Variants in SLC22A23 observed in about 807,000 individuals in gnomAD.
SLC22A23 encodes ion transporter protein.
A neutral mutation model predicts 61.0 loss-of-function variants in SLC22A23; 26 were observed. The ratio of observed to expected loss-of-function variants is 0.43; its 90% CI spans 0.31 to 0.59. The LOEUF (loss-of-function observed/expected upper bound fraction) is 0.59, where lower values mean the gene tolerates loss of function less well. Ranked by LOEUF, SLC22A23 falls within the 20% of genes least tolerant of loss-of-function variation. The pLI, the probability that SLC22A23 is intolerant of heterozygous loss-of-function variation, is 0.11. For synonymous variants in SLC22A23, 430 were observed against 413.9 expected, an observed-to-expected ratio of 1.04 and a Z score of -0.47; for missense variants, 796 against 934.7, an observed-to-expected ratio of 0.85 and a Z score of 1.94.
chr6:3,337,785 G>T (rs766341217), intron 3 of SLC22A23, among the ~76,000 whole-genome samples: 2 of 152,252 alleles, frequency 1.3e-5, no homozygotes, highest in African/African-American at 2.4e-5. Flanking sequence ...ATTCGTGAAA[G>T]GAATGTGGAA....
intron 3 of SLC22A23, among the ~76,000 whole-genome samples, chr6:3,353,077 C>T (rs577505598): frequency 6.6e-6 from 1 of 152,248 alleles, no homozygotes; most frequent in South Asian, 2.1e-4. Flanking sequence ...ACGACCAGAC[C>T]GTGTCAAGAG....
intron 3 of SLC22A23, among the ~76,000 whole-genome samples, chr6:3,369,197 T>C (rs1257445900): frequency 6.6e-6 from 1 of 152,094 alleles, no homozygotes; most frequent in African/African-American, 2.4e-5. Context: ...GTAAAAACCA[T>C]GTGAATTCTT....
chr6:3,351,531 G>A (rs1764767012), intron 3 of SLC22A23, among the ~76,000 whole-genome samples: 1 of 152,188 alleles, frequency 6.6e-6, no homozygotes, highest in African/African-American at 2.4e-5. Context: ...ACAAGTACTG[G>A]ACGGTCAGGA....
chr6:3,354,482 T>C (rs1235415574), intron 3 of SLC22A23, among the ~76,000 whole-genome samples: 1 of 152,204 alleles, frequency 6.6e-6, no homozygotes, highest in Non-Finnish European at 1.5e-5. Context: ...CACTGTACTG[T>C]GGTCAGATCC....
At chr6:3,418,884 C>T (rs1364371947) in intron 1 of SLC22A23, among the ~76,000 whole-genome samples, 6 of 152,178 alleles carry the variant, frequency 3.9e-5, no homozygotes, top group East Asian at 3.8e-4. Context: ...CCCATGGCAC[C>T]GACACCCTTG....
In SLC22A23 at chr6:3,360,872, G is replaced by T. The variant is rs1765391884; in HGVS notation, c.914-36870C>A. 6.6e-6 allele frequency among the ~76,000 whole-genome samples: 1 copy of T among 152,186 alleles called. No individual in the cohort carries two copies. The highest frequency in any genetic ancestry group is 1.5e-5 in the Non-Finnish European group (1 of 68,024). On this transcript the variant is annotated intron_variant, in intron 3 of 9. Transcript: ENST00000406686. The surrounding 1 kb of genome is among the most constrained non-coding windows in gnomAD (Gnocchi z 4.6). ...CGGGATTGGACGAAGCCTTCCCTCG[G>T]GCAAAGATGCTGGGGTGGGGAACAG... is the stretch of plus-strand genomic sequence containing the variant.
intron 4 of SLC22A23, among the ~76,000 whole-genome samples, chr6:3,314,786 G>A (rs899245838): frequency 2.0e-5 from 3 of 151,982 alleles, no homozygotes; most frequent in African/African-American, 7.3e-5. Context: ...TTTCTGCACG[G>A]CCAGCCTCTG....
Position 3,308,555 on chromosome 6 carries a change from T to TGAGGG in SLC22A23, c.1083-10342_1083-10338dup, listed in dbSNP as rs963465818. Among the ~76,000 whole-genome samples, 2 of 152,178 alleles carry TGAGGG rather than the reference T, an allele frequency of 1.3e-5. No individual in the cohort carries two copies. Among genetic ancestry groups the TGAGGG allele is most frequent in the Admixed American group, 1.3e-4 (2 of 15,282 alleles). ...ATAAAAGCACATTAATTCCTACTTG[T>TGAGGG]GAGGGGAGGGCACTAACTCAGGGTT... On this transcript the variant is annotated intron_variant, in intron 4 of 9. Coordinates refer to ENST00000406686, the MANE Select transcript of SLC22A23 (RefSeq NM_015482.2). This position sits in a 1 kb window ranked among gnomAD's most constrained non-coding sequence, Gnocchi z 5.1.
At chr6:3,367,251 T>A (rs1765895444) in intron 3 of SLC22A23, among the ~76,000 whole-genome samples, 1 of 152,188 alleles carries the variant, frequency 6.6e-6, no homozygotes, top group African/African-American at 2.4e-5. Flanking sequence ...TCCAAAACAG[T>A]CCAGAAATCA....
At chr6:3,323,582 G>A in intron 4 of SLC22A23, 2 of 557,838 alleles carry the variant, frequency 3.6e-6, no homozygotes, top group South Asian at 2.1e-5. Context: ...AGACTGGCCA[G>A]TGCATTTGCA....
intron 3 of SLC22A23, among the ~76,000 whole-genome samples, chr6:3,375,187 A>C (rs990558218): frequency 1.3e-5 from 2 of 152,246 alleles, no homozygotes; most frequent in South Asian, 2.1e-4. Flanking sequence ...CAGCAGAAAA[A>C]AATGACAAAC....
chr6:3,303,128 G>A (rs1005425320), intron 4 of SLC22A23: 10 of 152,064 alleles, frequency 6.6e-5, no homozygotes, highest in Non-Finnish European at 1.2e-4. Flanking sequence ...CTAATCATCA[G>A]AAAACACAAA....
rs1221595286 is a variant in SLC22A23, at chr6:3,333,176, A to G, written c.914-9174T>C. 6.6e-6 allele frequency among the ~76,000 whole-genome samples: 1 copy of G among 152,172 alleles called. No individual in the cohort carries two copies. The highest frequency in any genetic ancestry group is 1.9e-4 in the East Asian group (1 of 5,188). On this transcript the variant is annotated intron_variant, in intron 3 of 9. Coordinates refer to ENST00000406686, the MANE Select transcript of SLC22A23 (RefSeq NM_015482.2). The surrounding 1 kb of genome is among the most constrained non-coding windows in gnomAD (Gnocchi z 4.1). ...GTTTTGTAGGGAGTGCAAAATGGTG[A>G]TCTGATTTTCTAATTCCATCCTTCA...
chr6:3,323,461 A>T, intron 4 of SLC22A23: 1 of 409,656 alleles, frequency 2.4e-6, no homozygotes, highest in Non-Finnish European at 4.7e-6. Context: ...TCACTCCTTT[A>T]ATATCTCCAA....
In SLC22A23 at chr6:3,439,618, T is replaced by A. The variant is rs865887567; in HGVS notation, c.654+16288A>T. 3.3e-5 allele frequency among the ~76,000 whole-genome samples: 5 copies of A among 152,244 alleles called. 1 individual carries two copies. Among genetic ancestry groups the A allele is most frequent in the Admixed American group, 2.0e-4 (3 of 15,286 alleles). ...CTTTAGGTTTGAGCCAACTTACGAA[T>A]CTGTCCTCTTTTATTCTTGTCATCT... On this transcript the variant is annotated intron_variant, in intron 1 of 9. Coordinates refer to ENST00000406686, the MANE Select transcript of SLC22A23 (RefSeq NM_015482.2).
rs1770540363 is a variant in SLC22A23, at chr6:3,427,018, A to G, written c.655-11163T>C. 6.6e-6 allele frequency among the ~76,000 whole-genome samples: 1 copy of G among 152,218 alleles called. No homozygotes were observed. Among genetic ancestry groups the G allele is most frequent in the Non-Finnish European group, 1.5e-5 (1 of 68,046 alleles). The stretch of plus-strand genomic sequence containing the variant: ...AATTCAGAGCCTAAAGTGGGGTCTG[A>G]GCCAGCTTGCGAATGTGCTGTCAAG... On this transcript the variant is annotated intron_variant, in intron 1 of 9. Transcript: ENST00000406686. This position sits in a 1 kb window ranked among gnomAD's most constrained non-coding sequence, Gnocchi z 4.3.
chr6:3,393,871 G>T (rs1322739818), intron 3 of SLC22A23, among the ~76,000 whole-genome samples: 1 of 152,202 alleles, frequency 6.6e-6, no homozygotes. Flanking sequence ...GGCCTCTCAG[G>T]CCCTGGAGAT....
At position 3,318,338 on chromosome 6, in the gene SLC22A23, A is replaced by G. The variant is rs1287677547; in HGVS notation, c.1082+5496T>C. On this transcript the variant is annotated intron_variant, in intron 4 of 9. Transcript: ENST00000406686. This position sits in a 1 kb window ranked among gnomAD's most constrained non-coding sequence, Gnocchi z 4.3. ...ACAAACCAACCCATCCAGAGCCGAT[A>G]CCCCAACCACTTCCTGTGTCGGGCT... Among the ~76,000 whole-genome samples, 1 of 152,030 alleles carries G rather than the reference A, an allele frequency of 6.6e-6. No homozygotes were observed. Among genetic ancestry groups the G allele is most frequent in the Non-Finnish European group, 1.5e-5 (1 of 68,000 alleles).
intron 1 of SLC22A23, among the ~76,000 whole-genome samples, chr6:3,442,042 G>A (rs1447186103): frequency 6.6e-6 from 1 of 152,174 alleles, no homozygotes; most frequent in African/African-American, 2.4e-5. Flanking sequence ...TCTGCCGATG[G>A]GTGAACAAAC....
Sources: allele counts gnomAD v4.1 joint callset (sites outside exome capture counted in the v4.1 genomes callset), GRCh38; gene constraint gnomAD v4.1.1; non-coding constraint Gnocchi (gnomAD v3.1); transcripts MANE v1.5; gene names NCBI Gene and HGNC (gene_info 2026-07-23, HGNC 2026-07-21).